Variants in RARB observed in about 807,000 individuals in gnomAD.
The protein encoded by RARB is HBV-activated protein.
RARB carries 17 observed loss-of-function variants against 51.9 expected under a neutral mutation model. The observed-to-expected ratio is 0.33, with a 90% confidence interval of 0.22 to 0.49. The LOEUF is 0.49. RARB is among the 20% of genes least tolerant of loss of function. The pLI, the probability that RARB is intolerant of heterozygous loss-of-function variation, is 0.99. For missense variants in RARB, 369 were observed against 550.8 expected (o/e 0.67, Z 3.30); for synonymous variants, 215 against 195.4 (o/e 1.10, Z -0.84).
intron 2 of RARB, among the ~76,000 whole-genome samples, chr3:24,947,923 G>A (rs888562545): frequency 3.3e-5 from 5 of 152,006 alleles, no homozygotes; most frequent in African/African-American, 1.2e-4. Flanking sequence ...GGCTTGTAGT[G>A]CATGCTTAAT....
intron 3 of RARB, among the ~76,000 whole-genome samples, chr3:25,527,189 C>G (rs1698690651): frequency 6.6e-6 from 1 of 152,198 alleles, no homozygotes; most frequent in African/African-American, 2.4e-5. Flanking sequence ...TCGTGCTGAT[C>G]CTTCTGGTCC....
At chr3:25,198,118 C>T (rs1012863679) in intron 5 of RARB, among the ~76,000 whole-genome samples, 1 of 151,998 alleles carries the variant, frequency 6.6e-6, no homozygotes, top group Non-Finnish European at 1.5e-5. Flanking sequence ...GGAATAAATC[C>T]CATCATCTAC....
intron 3 of RARB, among the ~76,000 whole-genome samples, chr3:25,099,423 T>G (rs1699357349): frequency 1.3e-5 from 2 of 152,034 alleles, no homozygotes; most frequent in African/African-American, 2.4e-5. Flanking sequence ...ATGTTCTGAG[T>G]GAAGCATTTC....
At chr3:25,259,035 T>C in intron 5 of RARB, 1 of 985,254 alleles carries the variant, frequency 1.0e-6, no homozygotes, top group Non-Finnish European at 1.2e-6. Context: ...CTGATATTAG[T>C]AGGCAGGAAC....
intron 3 of RARB, among the ~76,000 whole-genome samples, chr3:25,100,937 C>T (rs186142729): frequency 2.6e-5 from 4 of 152,298 alleles, no homozygotes; most frequent in Admixed American, 2.6e-4. Flanking sequence ...CTTAGCCCTA[C>T]ACTCGGAGCT....
At chr3:25,399,065 C>T (rs1707195562) in intron 5 of RARB, among the ~76,000 whole-genome samples, 1 of 152,120 alleles carries the variant, frequency 6.6e-6, no homozygotes, top group South Asian at 2.1e-4. Context: ...TTTCACTCTA[C>T]CATCCTGGCT....
At chr3:24,912,460 T>C (rs1186870427) in intron 2 of RARB, among the ~76,000 whole-genome samples, 1 of 152,188 alleles carries the variant, frequency 6.6e-6, no homozygotes, top group African/African-American at 2.4e-5. Flanking sequence ...TCCTCAAATA[T>C]GTGAGTATCT....
chr3:24,970,037 C>G (rs1696359738), intron 2 of RARB, among the ~76,000 whole-genome samples: 1 of 152,106 alleles, frequency 6.6e-6, no homozygotes, highest in Middle Eastern at 3.4e-3. Context: ...AAGGAGCAGA[C>G]AGTACATATT....
intron 2 of RARB, among the ~76,000 whole-genome samples, chr3:24,999,085 T>C (rs1575112267): frequency 6.6e-6 from 1 of 152,172 alleles, no homozygotes; most frequent in Non-Finnish European, 1.5e-5. Context: ...AATGTACTTT[T>C]CTGCATGACA....
chr3:25,399,427 T>G (rs576681317), intron 5 of RARB, among the ~76,000 whole-genome samples: 1 of 152,254 alleles, frequency 6.6e-6, no homozygotes, highest in South Asian at 2.1e-4. Context: ...TGGATGGGGC[T>G]TCTGGGAAAA....
chr3:25,357,584 C>T (rs1575338656), intron 5 of RARB, among the ~76,000 whole-genome samples: 1 of 152,172 alleles, frequency 6.6e-6, no homozygotes, highest in African/African-American at 2.4e-5. Flanking sequence ...GAAGTATTTG[C>T]CCATGCCTAT....
At chr3:25,243,473 G>A (rs950845169) in intron 5 of RARB, among the ~76,000 whole-genome samples, 3 of 152,018 alleles carry the variant, frequency 2.0e-5, no homozygotes, top group Admixed American at 2.0e-4. Flanking sequence ...ATTATTTTGA[G>A]GTATGTTTCA....
intron 3 of RARB, among the ~76,000 whole-genome samples, chr3:25,539,056 C>T (rs924568355): frequency 6.6e-6 from 1 of 152,216 alleles, no homozygotes; most frequent in African/African-American, 2.4e-5. Flanking sequence ...TATGAACAGA[C>T]AACCGTTAAT....
chr3:25,368,141 C>T (rs920639831), intron 5 of RARB, among the ~76,000 whole-genome samples: 1 of 152,068 alleles, frequency 6.6e-6, no homozygotes, highest in Non-Finnish European at 1.5e-5. Flanking sequence ...ATGATAATGG[C>T]AGTAAATAAT....
intron 2 of RARB, among the ~76,000 whole-genome samples, chr3:24,902,939 G>C (rs1226904224): frequency 3.9e-5 from 6 of 151,938 alleles, no homozygotes; most frequent in Admixed American, 3.9e-4. Flanking sequence ...TATTCGTAAG[G>C]GTGTTTCTAA....
At chr3:25,491,556 T>G (rs1382191943) in intron 2 of RARB, among the ~76,000 whole-genome samples, 1 of 152,158 alleles carries the variant, frequency 6.6e-6, no homozygotes, top group African/African-American at 2.4e-5. Flanking sequence ...GATTGAACAC[T>G]TTTGCTGTAG....
intron 3 of RARB, among the ~76,000 whole-genome samples, chr3:25,075,387 T>C (rs1698852175): frequency 6.6e-6 from 1 of 152,192 alleles, no homozygotes; most frequent in Non-Finnish European, 1.5e-5. Flanking sequence ...ACAGAAACCT[T>C]TTCTGTGCAG....
chr3:25,390,759 A>G (rs973588715), intron 5 of RARB, among the ~76,000 whole-genome samples: 2 of 152,202 alleles, frequency 1.3e-5, no homozygotes, highest in African/African-American at 4.8e-5. Context: ...CATGCCTAAT[A>G]AACTTTCAAC....
intron 5 of RARB, among the ~76,000 whole-genome samples, chr3:25,355,615 C>G (rs1459656846): frequency 1.3e-5 from 2 of 152,140 alleles, no homozygotes; most frequent in African/African-American, 4.8e-5. Context: ...ATAGATGGCA[C>G]TTGCAAATCA....
Sources: allele counts gnomAD v4.1 joint callset (sites outside exome capture counted in the v4.1 genomes callset), GRCh38; gene constraint gnomAD v4.1.1; transcripts MANE v1.5; gene names NCBI Gene and HGNC (gene_info 2026-07-23, HGNC 2026-07-21).